CPNE4: variants seen among roughly 807,000 people sequenced by gnomAD.
CPNE4 encodes copine 4.
A neutral mutation model predicts 67.9 loss-of-function variants in CPNE4; 25 were observed. The ratio of observed to expected loss-of-function variants is 0.37; its 90% confidence interval spans 0.27 to 0.51. The LOEUF (loss-of-function observed/expected upper bound fraction) is 0.51. Ranked by LOEUF, CPNE4 falls within the 20% of genes least tolerant of loss-of-function variation. The pLI, the probability that CPNE4 is intolerant of heterozygous loss-of-function variation, is 0.93. For missense variants in CPNE4, 464 were observed against 690.8 expected (o/e 0.67, Z 3.68); for synonymous variants, 242 against 244.9 (o/e 0.99, Z 0.11).
At chr3:131,964,617 G>C (rs891987670) in intron 1 of CPNE4, among the ~76,000 whole-genome samples, 6 of 151,408 alleles carry the variant, frequency 4.0e-5, no homozygotes, top group African/African-American at 1.5e-4. Flanking sequence ...CAGAAGAAAG[G>C]ATATCAGAGA....
At chr3:131,576,897 G>C (rs879676058) in intron 9 of CPNE4, among the ~76,000 whole-genome samples, 1 of 151,952 alleles carries the variant, frequency 6.6e-6, no homozygotes, top group Non-Finnish European at 1.5e-5. Context: ...ACATTGGCTT[G>C]GTGTGTGAGA....
Position 131,911,876 on chromosome 3 carries a change from G to A in CPNE4, c.-1-6432C>T, listed in dbSNP as rs146826537. Reference sequence around the variant, plus strand: ...ACCTTGACTTTGGAGGTGGTACACAGGACAGTGAAATCAAATTGTTTGGCT... The same window carrying A: ...ACCTTGACTTTGGAGGTGGTACACAAGACAGTGAAATCAAATTGTTTGGCT... On this transcript the variant is annotated intron_variant, in intron 1 of 15. Transcript: ENST00000429747. Among the ~76,000 whole-genome samples the A allele has an allele frequency of 7.2e-3, 1,100 of 152,212 alleles. 18 individuals are homozygous for A. Among genetic ancestry groups the A allele is most frequent in the African/African-American group, 0.025 (1,055 of 41,532 alleles).
intron 7 of CPNE4, among the ~76,000 whole-genome samples, chr3:131,650,744 C>CAAAAAAAAAAAAAAAAAA (rs141219633): frequency 6.5e-5 from 4 of 61,194 alleles, no homozygotes; most frequent in African/African-American, 8.7e-5. Flanking sequence ...GACTCCGTCT[C>CAAAAAAAAAAAAAAAAAA]AAAAAAAAAA....
chr3:131,827,927 A>G (rs2085226271), intron 2 of CPNE4, among the ~76,000 whole-genome samples: 1 of 152,002 alleles, frequency 6.6e-6, no homozygotes, highest in Admixed American at 6.5e-5. Flanking sequence ...ACCTTGTGAC[A>G]TGCATTATGC....
At chr3:131,790,373 T>A (rs932272427) in intron 2 of CPNE4, among the ~76,000 whole-genome samples, 2 of 151,932 alleles carry the variant, frequency 1.3e-5, no homozygotes, top group African/African-American at 4.8e-5. Context: ...TCCCCAGGGG[T>A]GCTTCTTTGT....
chr3:131,658,352 T>C (rs1456798863), intron 7 of CPNE4, among the ~76,000 whole-genome samples: 1 of 152,118 alleles, frequency 6.6e-6, no homozygotes, highest in African/African-American at 2.4e-5. Flanking sequence ...CATCTCTCCA[T>C]CTCTACCTGG....
intron 2 of CPNE4, among the ~76,000 whole-genome samples, chr3:131,899,544 G>A (rs2088471066): frequency 6.6e-6 from 1 of 152,092 alleles, no homozygotes; most frequent in African/African-American, 2.4e-5. Context: ...GGCTTTGGAA[G>A]CAACCAGATT....
intron 1 of CPNE4, among the ~76,000 whole-genome samples, chr3:131,955,786 G>A (rs1244247087): frequency 6.6e-6 from 1 of 152,042 alleles, no homozygotes; most frequent in Non-Finnish European, 1.5e-5. Flanking sequence ...TACGGAAGTG[G>A]TGGCCAGCAC....
At chr3:131,915,125 T>A (rs2089136829) in intron 1 of CPNE4, among the ~76,000 whole-genome samples, 1 of 152,216 alleles carries the variant, frequency 6.6e-6, no homozygotes, top group South Asian at 2.1e-4. Context: ...GTTAAATAAC[T>A]TATCCCAATG....
At chr3:131,654,480 C>T (rs61712055) in intron 7 of CPNE4, among the ~76,000 whole-genome samples, 31,618 of 152,030 alleles carry the variant, frequency 0.21, 5,356 homozygotes, top group African/African-American at 0.47. Flanking sequence ...CTTCCACTTA[C>T]AAGTGAGAAC....
Position 131,548,810 on chromosome 3 carries a change from G to A in CPNE4, c.1302+1137C>T, listed in dbSNP as rs937752293. Among the ~76,000 whole-genome samples, 2 of 152,158 alleles carry A rather than the reference G, an allele frequency of 1.3e-5. 1 individual carries two copies. The highest frequency in any genetic ancestry group is 6.3e-3 in the Middle Eastern group (2 of 316). ...ATTTAGATTTTACTCCAAGTATGAT[G>A]AGAAGTATTAGAGAATTTAGAACAA... On this transcript the variant is annotated intron_variant, in intron 14 of 15. Coordinates refer to ENST00000429747, the MANE Select transcript of CPNE4 (RefSeq NM_130808.3).
intron 2 of CPNE4, among the ~76,000 whole-genome samples, chr3:131,800,582 A>G (rs953754557): frequency 6.6e-6 from 1 of 152,178 alleles, no homozygotes; most frequent in Admixed American, 6.6e-5. Flanking sequence ...TTTTGTGGGA[A>G]GAATAGCCCT....
chr3:131,883,684 T>C (rs9864995), intron 2 of CPNE4, among the ~76,000 whole-genome samples: 43,835 of 152,158 alleles, frequency 0.29, 7,397 homozygotes, highest in Non-Finnish European at 0.37. Context: ...CAGTGCCTCA[T>C]AACTTCCCTG....
intron 2 of CPNE4, among the ~76,000 whole-genome samples, chr3:131,801,452 G>GTGTGTGTGTATA (rs761978890): frequency 2.8e-4 from 15 of 53,342 alleles, no homozygotes; most frequent in East Asian, 5.2e-4. Context: ...GTGTGTGTGT[G>GTGTGTGTGTATA]TATATATATA....
intron 2 of CPNE4, among the ~76,000 whole-genome samples, chr3:131,791,303 T>A (rs2083712682): frequency 6.6e-6 from 1 of 152,176 alleles, no homozygotes; most frequent in South Asian, 2.1e-4. Flanking sequence ...TTTTTTGCAC[T>A]TTTTCCAAGT....
At chr3:131,653,321 A>AT (rs201448211) in intron 7 of CPNE4, among the ~76,000 whole-genome samples, 45 of 150,120 alleles carry the variant, frequency 3.0e-4, no homozygotes, top group African/African-American at 9.0e-4. Flanking sequence ...ATTTTTTTGT[A>AT]TTTTTTTTAG....
intron 11 of CPNE4, among the ~76,000 whole-genome samples, chr3:131,556,878 C>T (rs574033642): frequency 6.6e-6 from 1 of 152,126 alleles, no homozygotes; most frequent in Non-Finnish European, 1.5e-5. Flanking sequence ...ATACAATGTA[C>T]CAGCCCCCTG....
intron 2 of CPNE4, among the ~76,000 whole-genome samples, chr3:131,798,889 A>G (rs1320995800): frequency 1.3e-5 from 2 of 152,156 alleles, no homozygotes; most frequent in Non-Finnish European, 2.9e-5. Flanking sequence ...GGAAGCTTTT[A>G]TTTTTCCATC....
At chr3:131,895,888 A>G (rs1475999833) in intron 2 of CPNE4, among the ~76,000 whole-genome samples, 6 of 152,062 alleles carry the variant, frequency 3.9e-5, no homozygotes, top group Non-Finnish European at 8.8e-5. Flanking sequence ...TAAACAATGA[A>G]AAACTTCAAT....
Sources: gnomAD v4.1 joint callset for allele counts (sites outside exome capture counted in the v4.1 genomes callset) on GRCh38, gnomAD v4.1.1 for gene constraint, MANE v1.5 for transcripts, NCBI Gene and HGNC (gene_info 2026-07-23, HGNC 2026-07-21) for gene names.